The following B3GLCT variants were observed in gnomAD, a reference collection of about 807,000 sequenced individuals.
B3GLCT encodes beta-1,3-glucosyltransferase.
In B3GLCT, 65 loss-of-function variants were observed where a neutral mutation model predicts 63.4. That is an observed-to-expected ratio of 1.03 (90% CI 0.84 to 1.26). B3GLCT has a LOEUF of 1.26. Among genes scored for constraint, B3GLCT ranks in the 50% most tolerant of loss-of-function variants. B3GLCT has a pLI of 0.00. For missense variants in B3GLCT, 577 were observed against 604.8 expected (o/e 0.95, Z 0.48); for synonymous variants, 233 against 219.2 (o/e 1.06, Z -0.55).
chr13:31,272,315 A>G (rs1169348423), intron 8 of B3GLCT, among the ~76,000 whole-genome samples: 2 of 150,780 alleles, frequency 1.3e-5, no homozygotes, highest in Non-Finnish European at 2.9e-5. Flanking sequence ...TCCTGGGTTC[A>G]AGCAGTTCGC....
At chr13:31,312,366 G>A (rs893553750) in intron 12 of B3GLCT, 2 of 152,208 alleles carry the variant, frequency 1.3e-5, no homozygotes, top group African/African-American at 4.8e-5. Context: ...GCCAAACACA[G>A]TGTCAAATGA....
At chr13:31,278,953 A>G (rs1872926531) in intron 10 of B3GLCT, among the ~76,000 whole-genome samples, 1 of 152,230 alleles carries the variant, frequency 6.6e-6, no homozygotes, top group Non-Finnish European at 1.5e-5. Context: ...CCTATTGAGT[A>G]GCAGAGCCAA....
rs889745351 is a variant in B3GLCT, at chr13:31,251,976, G to A, written c.459+4010G>A. ...TTAAGGGCAGCCAGAGGGAAAGTCC[G>A]GTTACCCACAAAAGGAAGCCCATCA... is the stretch of plus-strand genomic sequence containing the variant. On this transcript the variant is annotated intron_variant, in intron 6 of 14. Coordinates refer to ENST00000343307, the MANE Select transcript of B3GLCT (RefSeq NM_194318.4). Among the ~76,000 whole-genome samples the A allele has an allele frequency of 5.3e-5, 8 of 152,244 alleles. No individual in the cohort carries two copies. In the East Asian group the frequency reaches 5.8e-4, roughly 11 times the overall value.
intron 6 of B3GLCT, among the ~76,000 whole-genome samples, chr13:31,255,468 A>G (rs1183108374): frequency 6.6e-6 from 1 of 152,186 alleles, no homozygotes; most frequent in Non-Finnish European, 1.5e-5. Flanking sequence ...TTTCATGTGG[A>G]ATAAAAAAAG....
In B3GLCT at chr13:31,221,554, T is replaced by G. The variant is rs1300878607; in HGVS notation, c.121-1398T>G. 3.3e-5 allele frequency among the ~76,000 whole-genome samples: 5 copies of G among 152,358 alleles called. No homozygotes were observed. The East Asian group carries it at 9.6e-4, about 29-fold the overall frequency. On this transcript the variant is annotated intron_variant, in intron 2 of 14. Transcript: ENST00000343307. Reference sequence around the variant, plus strand: ...CATCGTGAGAGTTAACAAATCAGCATATAACTATAGGTTCTCCTCTACTCA... The same window carrying G: ...CATCGTGAGAGTTAACAAATCAGCAGATAACTATAGGTTCTCCTCTACTCA...
intron 6 of B3GLCT, among the ~76,000 whole-genome samples, chr13:31,252,519 A>G (rs898865685): frequency 6.7e-6 from 1 of 149,648 alleles, no homozygotes; most frequent in African/African-American, 2.4e-5. Context: ...GGATGGAGGA[A>G]GATTTACCAA....
intron 1 of B3GLCT, 32 bp downstream of exon 1, chr13:31,200,186 G>T: frequency 8.1e-7 from 1 of 1,237,952 alleles, no homozygotes; most frequent in South Asian, 2.1e-5. Context: ...GCGCAAGGGC[G>T]AGGCGTGGGG....
chr13:31,246,522 A>C (rs1038605607), intron 4 of B3GLCT, among the ~76,000 whole-genome samples: 1 of 131,426 alleles, frequency 7.6e-6, no homozygotes, highest in Admixed American at 8.0e-5. Context: ...TAATGTGTTT[A>C]GAGAACTTTA....
At chr13:31,329,061 G>C (rs1423797249) in intron 14 of B3GLCT, among the ~76,000 whole-genome samples, 1 of 152,184 alleles carries the variant, frequency 6.6e-6, no homozygotes, top group Non-Finnish European at 1.5e-5. Flanking sequence ...ACACATTAGA[G>C]CAGTAGAGAG....
chr13:31,237,413 G>A (rs888528209), intron 4 of B3GLCT, among the ~76,000 whole-genome samples: 2 of 149,154 alleles, frequency 1.3e-5, no homozygotes, highest in African/African-American at 2.5e-5. Context: ...GAGTGCAGTG[G>A]TGCGATCTCA....
chr13:31,233,245 C>T (rs1207597884), intron 4 of B3GLCT, among the ~76,000 whole-genome samples: 1 of 152,006 alleles, frequency 6.6e-6, no homozygotes. Context: ...TCAGTGAAAC[C>T]GCAGAGTTTA....
chr13:31,246,846 A>G (rs1871210913), intron 4 of B3GLCT, among the ~76,000 whole-genome samples, 177 bp from the exon 5 acceptor site: 3 of 152,172 alleles, frequency 2.0e-5, no homozygotes, highest in Non-Finnish European at 4.4e-5. Context: ...CCTGGAGAAA[A>G]TGAGGAAAAA....
chr13:31,266,546 AAGTT>A (rs1198992788), intron 7 of B3GLCT, among the ~76,000 whole-genome samples: 1 of 152,098 alleles, frequency 6.6e-6, no homozygotes, highest in Non-Finnish European at 1.5e-5. Context: ...ATTGCCTTTT[AAGTT>A]AGTTGGTCAC....
chr13:31,292,516 A>G (rs1381222851), intron 12 of B3GLCT, among the ~76,000 whole-genome samples: 1 of 151,884 alleles, frequency 6.6e-6, no homozygotes, highest in Non-Finnish European at 1.5e-5. Flanking sequence ...CAGGGATTTT[A>G]CCTCTTCCTG....
At chr13:31,314,968 T>C (rs968645501) in intron 12 of B3GLCT, among the ~76,000 whole-genome samples, 13 of 152,328 alleles carry the variant, frequency 8.5e-5, no homozygotes, top group African/African-American at 3.1e-4. Flanking sequence ...GTTTCCACTT[T>C]TGCTTCTTTC....
At chr13:31,204,400 G>A (rs1403822356) in intron 1 of B3GLCT, among the ~76,000 whole-genome samples, 3 of 152,138 alleles carry the variant, frequency 2.0e-5, no homozygotes, top group Non-Finnish European at 4.4e-5. Context: ...ACAGTGGCAA[G>A]CTTGAGAAAC....
At chr13:31,306,476 G>A (rs1227371333) in intron 12 of B3GLCT, among the ~76,000 whole-genome samples, 9 of 102,908 alleles carry the variant, frequency 8.7e-5, no homozygotes, top group African/African-American at 2.9e-4. Context: ...AGCAACTTCA[G>A]CGAAGTCTCA....
intron 12 of B3GLCT, among the ~76,000 whole-genome samples, chr13:31,298,085 G>C (rs753984864): frequency 5.9e-5 from 9 of 152,166 alleles, no homozygotes; most frequent in Admixed American, 5.9e-4. Context: ...CAGGAGATTG[G>C]GGGGTGGGAC....
chr13:31,324,452 G>A (rs1363178767), intron 14 of B3GLCT, among the ~76,000 whole-genome samples: 6 of 152,274 alleles, frequency 3.9e-5, no homozygotes, highest in Admixed American at 2.6e-4. Flanking sequence ...TACCAGGGAC[G>A]GGTAGTGCTT....
Sources: gnomAD v4.1 joint callset for allele counts (sites outside exome capture counted in the v4.1 genomes callset) on GRCh38, gnomAD v4.1.1 for gene constraint, MANE v1.5 for transcripts, NCBI Gene and HGNC (gene_info 2026-07-23, HGNC 2026-07-21) for gene names.